PTPN2: variants seen among roughly 807,000 people sequenced by gnomAD.
The protein encoded by PTPN2 is tyrosine-protein phosphatase non-receptor type 2.
A neutral mutation model predicts 57.3 loss-of-function variants in PTPN2; 19 were observed. The observed-to-expected ratio is 0.33, with a 90% CI of 0.23 to 0.49. PTPN2 has a LOEUF of 0.49. Ranked by LOEUF, PTPN2 falls within the 20% of genes least tolerant of loss-of-function variation. PTPN2 has a pLI of 0.99. For synonymous variants in PTPN2, 153 were observed against 164.9 expected (o/e 0.93, Z 0.55); for missense variants, 358 against 501.1 (o/e 0.71, Z 2.73).
At chr18:12,861,313 T>C (rs1226980406) in intron 1 of PTPN2, among the ~76,000 whole-genome samples, 1 of 152,246 alleles carries the variant, frequency 6.6e-6, no homozygotes, top group Non-Finnish European at 1.5e-5. Flanking sequence ...GGAAAGTTAA[T>C]TGACTTAATA....
chr18:12,792,746 A>G lies in PTPN2; in HGVS notation c.*1532T>C, dbSNP rs189403699. The G allele has an allele frequency of 9.3e-4, 187 of 200,206 alleles. No individual in the cohort carries two copies. The highest frequency in any genetic ancestry group is 2.9e-4 in the Non-Finnish European group (32 of 111,962). 12.4% of individuals were successfully genotyped at this position (200,206 alleles called of 1,614,324 possible). ...GCTGAGATTACAGGTGCCCTCCACC[A>G]TGCCCAGCTAATTTTTGCATTTTTA... is the stretch of plus-strand genomic sequence containing the variant. On this transcript the variant is annotated 3_prime_UTR_variant, in exon 9 of 9. Transcript: ENST00000309660.
Position 12,793,908 on chromosome 18 carries a change from T to C in PTPN2, c.*370A>G, listed in dbSNP as rs996810635. On this transcript the variant is annotated 3_prime_UTR_variant, in exon 9 of 9. Transcript: ENST00000309660. ...AACGTAGATAAAACCACAATATTTA[T>C]TGCTTATATCAAGTGCAGGTTAAAA... 6 of 1,086,484 alleles carry C rather than the reference T, an allele frequency of 5.5e-6. No individual in the cohort carries two copies. Among genetic ancestry groups the C allele is most frequent in the South Asian group, 3.1e-5 (1 of 32,450 alleles). 67.3% of individuals were successfully genotyped at this position (1,086,484 alleles called of 1,614,324 possible). A position where few individuals can be genotyped will look rare whatever the true frequency, so the allele number is the denominator to read the frequency against.
intron 7 of PTPN2, among the ~76,000 whole-genome samples, chr18:12,806,819 G>A (rs73404421): frequency 0.15 from 22,985 of 151,976 alleles, 1,943 homozygotes; most frequent in African/African-American, 0.21. Context: ...ACTTAAATAT[G>A]AGACCCCAAA....
At chr18:12,870,454 T>TACAGAGAGAGAG (rs1458157048) in intron 1 of PTPN2, among the ~76,000 whole-genome samples, 1 of 44,326 alleles carries the variant, frequency 2.3e-5, no homozygotes, top group African/African-American at 1.4e-4. Flanking sequence ...TATATATATA[T>TACAGAGAGAGAG]ATATATATAG....
At chr18:12,868,698 C>T (rs57081681) in intron 1 of PTPN2, among the ~76,000 whole-genome samples, 1 of 149,200 alleles carries the variant, frequency 6.7e-6, no homozygotes, top group African/African-American at 2.4e-5. Context: ...CTTTGGGAGG[C>T]TGAGGCGGGC....
At chr18:12,804,306 A>G (rs1347286200) in intron 7 of PTPN2, among the ~76,000 whole-genome samples, 3 of 150,432 alleles carry the variant, frequency 2.0e-5, no homozygotes, top group African/African-American at 7.3e-5. Context: ...AAAAAAAAAA[A>G]AAAGAAAAAG....
rs1377749007 is a variant in PTPN2, at chr18:12,837,102, G to A, written c.161-211C>T. Reference sequence around the variant, plus strand: ...TGTTTATTACTATAGTGCTGGAAAGGAAGCACTTCTGTTTGTAGCACATTA... The same window carrying A: ...TGTTTATTACTATAGTGCTGGAAAGAAAGCACTTCTGTTTGTAGCACATTA... On this transcript the variant is annotated intron_variant, in intron 2 of 8. Coordinates refer to ENST00000309660, the MANE Select transcript of PTPN2 (RefSeq NM_002828.4). 3.9e-5 allele frequency among the ~76,000 whole-genome samples: 6 copies of A among 152,154 alleles called. No individual in the cohort carries two copies. In the East Asian group the frequency reaches 1.2e-3, roughly 29 times the overall value.
chr18:12,791,780 C>T (rs962967877), downstream of PTPN2, among the ~76,000 whole-genome samples: 1 of 152,078 alleles, frequency 6.6e-6, no homozygotes, highest in African/African-American at 2.4e-5. Context: ...CCCAGAAGGA[C>T]AGAAAGCATA....
rs8086433 is a variant in PTPN2, at chr18:12,816,736, G to T, written c.705+420C>A. On this transcript the variant is annotated intron_variant, in intron 6 of 8. Coordinates refer to ENST00000309660, the MANE Select transcript of PTPN2 (RefSeq NM_002828.4). ...AGGGACTCTTCTAAGTCTCCTTAAT[G>T]TATTAATTCATTGAATTCTCACAGG... Among the ~76,000 whole-genome samples the T allele has an allele frequency of 6.9e-3, 1,056 of 152,158 alleles. 18 individuals are homozygous for T. Among genetic ancestry groups the T allele is most frequent in the African/African-American group, 0.025 (1,027 of 41,508 alleles).
At chr18:12,845,997 A>C (rs1456906221) in intron 2 of PTPN2, among the ~76,000 whole-genome samples, 2 of 152,146 alleles carry the variant, frequency 1.3e-5, no homozygotes, top group Non-Finnish European at 2.9e-5. Context: ...CTTTCACGGT[A>C]TTTTTTAACC....
chr18:12,791,315 ATT>A (rs910972165), downstream of PTPN2, among the ~76,000 whole-genome samples: 1 of 151,992 alleles, frequency 6.6e-6, no homozygotes, highest in African/African-American at 2.4e-5. Context: ...TAAAAGAAAC[ATT>A]TTTTTTATAA....
chr18:12,868,888 G>C lies in PTPN2; in HGVS notation c.70-9634C>G, dbSNP rs1412078916. ...TTTAAGGCTGGGTGCGGTGGCTCAC[G>C]CCTGTAATCCCAACACTTTGCGGGG... On this transcript the variant is annotated intron_variant, in intron 1 of 8. Coordinates refer to ENST00000309660, the MANE Select transcript of PTPN2 (RefSeq NM_002828.4). The C allele has an allele frequency of 2.6e-5, 4 of 151,980 alleles. No homozygotes were observed. The South Asian group carries it at 8.3e-4, about 32-fold the overall frequency. The allele number at this position is 151,980 out of a possible 1,614,324, so 9.4% of individuals were successfully genotyped here.
chr18:12,792,346 A>G lies in PTPN2; in HGVS notation c.*1932T>C, dbSNP rs963604716. The G allele has an allele frequency of 7.0e-6, 4 of 574,330 alleles. No individual in the cohort carries two copies. The African/African-American group carries it at 8.7e-5, about 12-fold the overall frequency. 35.6% of individuals were successfully genotyped at this position (574,330 alleles called of 1,614,324 possible). ...TTGCCAGGCTGGAGTGCAGTGGTGC[A>G]ATCTCGGCTCACTGCAACCTCTGCC... On this transcript the variant is annotated 3_prime_UTR_variant, in exon 9 of 9. Coordinates refer to ENST00000309660, the MANE Select transcript of PTPN2 (RefSeq NM_002828.4).
At position 12,794,285 on chromosome 18, in the gene PTPN2, G is replaced by C. The variant is rs1342999390; in HGVS notation, c.1241C>G (p.Ala414Gly). 1.2e-6 allele frequency: 2 copies of C among 1,614,002 alleles called. No homozygotes were observed. The highest frequency in any genetic ancestry group is 2.7e-5 in the African/African-American group (2 of 74,900). The change falls in exon 9 of 9, where the codon GCC becomes GGC. Residue 414 changes from alanine to glycine, a missense_variant. Transcript: ENST00000309660. ...VGWTLFFQQN[A>G]L ...CTGGGCAAAATTAATTGTTTATAGG[G>C]CATTTTGCTGAAAAAACAGTGTCCA...
Position 12,794,911 on chromosome 18 carries a change from C to T in PTPN2, c.1041-426G>A, listed in dbSNP as rs370241141. 2.9e-4 allele frequency among the ~76,000 whole-genome samples: 44 copies of T among 152,300 alleles called. No individual in the cohort carries two copies. In the East Asian group the frequency reaches 3.1e-3, roughly 11 times the overall value. On this transcript the variant is annotated intron_variant, in intron 8 of 8. Coordinates refer to ENST00000309660, the MANE Select transcript of PTPN2 (RefSeq NM_002828.4). ...GTCCTGAGATTACAGGTGTGAGCCA[C>T]GGCGCCCGGCCAAGAAAAGCCTCAA...
Position 12,801,996 on chromosome 18 carries a change from T to C in PTPN2, c.1014A>G (p.Gln338=), listed in dbSNP as rs763240651. 3.1e-6 allele frequency: 5 copies of C among 1,609,376 alleles called. No homozygotes were observed. Among genetic ancestry groups the C allele is most frequent in the Non-Finnish European group, 4.2e-6 (5 of 1,178,396 alleles). The change falls in exon 8 of 9, where the codon CAA becomes CAG. Residue 338 remains glutamine (Q), a synonymous_variant. Coordinates refer to ENST00000309660, the MANE Select transcript of PTPN2 (RefSeq NM_002828.4). The part of the protein sequence containing the change: ...DRCTGLSSKM[Q]DTMEENSESA... The stretch of plus-strand genomic sequence containing the variant: ...TCTCACTGTTCTCCTCCATTGTATC[T>C]TGCATTTTAGAGGAAAGTCCTGTAC...
chr18:12,786,433 GCTA>G (rs1195338727), intron 9 of PTPN2: 9 of 152,224 alleles, frequency 5.9e-5, no homozygotes, highest in African/African-American at 1.4e-4. Flanking sequence ...CCAATCTTAA[GCTA>G]CTACTAATAT....
chr18:12,814,142 G>A, intron 7 of PTPN2, 61 bp downstream of exon 7: 1 of 1,260,990 alleles, frequency 7.9e-7, no homozygotes, highest in Non-Finnish European at 1.1e-6. Flanking sequence ...GTGGAGTGCA[G>A]TTATTTGATG....
intron 1 of PTPN2, among the ~76,000 whole-genome samples, chr18:12,875,715 G>A (rs1308758019): frequency 1.8e-4 from 28 of 152,136 alleles, no homozygotes; most frequent in Admixed American, 1.7e-3. Flanking sequence ...TTAATTTCGC[G>A]TACCCAGACC....
Sources: allele counts gnomAD v4.1 joint callset (sites outside exome capture counted in the v4.1 genomes callset), GRCh38; gene constraint gnomAD v4.1.1; transcripts MANE v1.5; gene names NCBI Gene and HGNC (gene_info 2026-07-23, HGNC 2026-07-21).